SERTM1: variants seen among roughly 807,000 people sequenced by gnomAD.
The protein encoded by SERTM1 is serine rich and transmembrane domain containing 1.
SERTM1 carries 1 observed loss-of-function variant against 5.5 expected under a neutral mutation model. The ratio of observed to expected loss-of-function variants is 0.18; its 90% CI spans 0.06 to 0.86. The LOEUF is 0.86. Among genes scored for constraint, SERTM1 ranks in the 40% least tolerant of loss-of-function variants. The probability of loss-of-function intolerance (pLI) is 0.69; values close to 1 mark genes in which losing one functional copy is unlikely to be tolerated. For missense variants in SERTM1, 91 were observed against 122.4 expected (o/e 0.74, Z 1.21); for synonymous variants, 52 against 55.1 (o/e 0.94, Z 0.25).
At chr13:36,693,733 T>G (rs548444542) in intron 1 of SERTM1, among the ~76,000 whole-genome samples, 7 of 152,124 alleles carry the variant, frequency 4.6e-5, no homozygotes, top group African/African-American at 1.7e-4. Flanking sequence ...AAGGGCAGAG[T>G]TTAGGAAGAG....
At chr13:36,690,740 T>C (rs963232292) in intron 1 of SERTM1, among the ~76,000 whole-genome samples, 11 of 152,238 alleles carry the variant, frequency 7.2e-5, no homozygotes, top group African/African-American at 2.7e-4. Flanking sequence ...TAATACATCA[T>C]CTAAAACCAT....
chr13:36,679,696 C>A (rs573247304), intron 1 of SERTM1, among the ~76,000 whole-genome samples: 1 of 152,120 alleles, frequency 6.6e-6, no homozygotes, highest in East Asian at 1.9e-4. Flanking sequence ...TGTGACCCAC[C>A]GCACCTGACC....
Position 36,694,941 on chromosome 13 carries a change from A to C in SERTM1, c.-138A>C. The C allele has an allele frequency of 1.5e-6, 1 of 647,152 alleles. No individual in the cohort carries two copies. The highest frequency in any genetic ancestry group is 2.7e-6 in the Non-Finnish European group (1 of 372,384). The allele number at this position is 647,152 out of a possible 1,614,324, so 40.1% of individuals were successfully genotyped here. On this transcript the variant is annotated 5_prime_UTR_variant, in exon 2 of 2. Coordinates refer to ENST00000315190, the MANE Select transcript of SERTM1 (RefSeq NM_203451.3). Reference sequence around the variant, plus strand: ...CATCTGATACCTGCTGCCTTTGAGAAACAAGTTTTGTTGTGCTGATTTAAC... The same window carrying C: ...CATCTGATACCTGCTGCCTTTGAGACACAAGTTTTGTTGTGCTGATTTAAC...
At chr13:36,691,948 A>G (rs2138098117) in intron 1 of SERTM1, among the ~76,000 whole-genome samples, 1 of 152,346 alleles carries the variant, frequency 6.6e-6, no homozygotes, top group South Asian at 2.1e-4. Flanking sequence ...TCCAGTTTTT[A>G]AAACTTCAAT....
chr13:36,685,341 T>C (rs2056733636), intron 1 of SERTM1, among the ~76,000 whole-genome samples: 1 of 152,222 alleles, frequency 6.6e-6, no homozygotes, highest in Non-Finnish European at 1.5e-5. Flanking sequence ...GTCCTCTTTC[T>C]GTTTTCTCCC....
chr13:36,682,988 T>C (rs2056715510), intron 1 of SERTM1, among the ~76,000 whole-genome samples: 1 of 152,190 alleles, frequency 6.6e-6, no homozygotes, highest in Admixed American at 6.5e-5. Context: ...CTCTGCCTCC[T>C]GGGTTCAAAT....
intron 1 of SERTM1, among the ~76,000 whole-genome samples, chr13:36,687,953 G>T (rs1349702765): frequency 6.6e-6 from 1 of 151,012 alleles, no homozygotes; most frequent in Non-Finnish European, 1.5e-5. Flanking sequence ...ACATGCAAAG[G>T]ATTAAAAACA....
intron 1 of SERTM1, among the ~76,000 whole-genome samples, chr13:36,688,234 G>C (rs1323373596): frequency 6.7e-6 from 1 of 149,238 alleles, no homozygotes; most frequent in African/African-American, 2.5e-5. Flanking sequence ...TTTTTTTTTA[G>C]ACAGGGTCTC....
chr13:36,682,780 A>G (rs1307407245), intron 1 of SERTM1, among the ~76,000 whole-genome samples: 6 of 152,250 alleles, frequency 3.9e-5, no homozygotes, highest in African/African-American at 7.2e-5. Flanking sequence ...TTATAGATGC[A>G]TTAGACTCAT....
rs184928811 is a variant in SERTM1 at position 36,674,138 on chromosome 13, G to A, written c.-220G>A. The A allele has an allele frequency of 6.6e-6, 1 of 152,386 alleles. No homozygotes were observed. The highest frequency in any genetic ancestry group is 2.4e-5 in the African/African-American group (1 of 41,578). 9.4% of individuals were successfully genotyped at this position (152,386 alleles called of 1,614,324 possible). ...GTCCAGACCGGAGCACCGCCCCACC[G>A]CTAGCGCAGGAGACCTGCCGGGGAA... On this transcript the variant is annotated 5_prime_UTR_variant, in exon 1 of 2. Transcript: ENST00000315190.
chr13:36,675,303 G>T (rs554423758), intron 1 of SERTM1, among the ~76,000 whole-genome samples: 1 of 152,322 alleles, frequency 6.6e-6, no homozygotes, highest in South Asian at 2.1e-4. Context: ...TGCACTACAG[G>T]TGCAAAGGGC....
chr13:36,676,211 C>A (rs1392812369), intron 1 of SERTM1, among the ~76,000 whole-genome samples: 1 of 151,808 alleles, frequency 6.6e-6, no homozygotes, highest in Non-Finnish European at 1.5e-5. Flanking sequence ...AATGACAGAG[C>A]TGATTTGTAA....
chr13:36,693,112 T>A (rs1379501584), intron 1 of SERTM1, among the ~76,000 whole-genome samples: 1 of 152,236 alleles, frequency 6.6e-6, no homozygotes, highest in African/African-American at 2.4e-5. Context: ...AAGCCCTTGC[T>A]TGTCTTCTAA....
chr13:36,678,205 T>C (rs1402164435), intron 1 of SERTM1, among the ~76,000 whole-genome samples: 2 of 152,210 alleles, frequency 1.3e-5, no homozygotes, highest in African/African-American at 4.8e-5. Context: ...TTTGTCAAAA[T>C]ATAGATACAG....
intron 1 of SERTM1, 22 bp from the exon 2 acceptor site, chr13:36,694,884 C>A (rs933715824): frequency 3.6e-6 from 2 of 554,196 alleles, no homozygotes; most frequent in Non-Finnish European, 6.3e-6. Flanking sequence ...GAAGAATGCA[C>A]TGACTTGCTT....
chr13:36,680,394 T>G (rs948043773), intron 1 of SERTM1, among the ~76,000 whole-genome samples: 6 of 152,208 alleles, frequency 3.9e-5, no homozygotes, highest in African/African-American at 1.4e-4. Context: ...TTGATTCATA[T>G]GATGAAAAGC....
In SERTM1 at chr13:36,674,123, G is replaced by C. The variant is rs1001296678; in HGVS notation, c.-235G>C. On this transcript the variant is annotated 5_prime_UTR_variant, in exon 1 of 2. Coordinates refer to ENST00000315190, the MANE Select transcript of SERTM1 (RefSeq NM_203451.3). Reference sequence around the variant, plus strand: ...TCGCGGGCGCGTATCGTCCAGACCGGAGCACCGCCCCACCGCTAGCGCAGG... The same window carrying C: ...TCGCGGGCGCGTATCGTCCAGACCGCAGCACCGCCCCACCGCTAGCGCAGG... 1 of 152,286 alleles carries C rather than the reference G, an allele frequency of 6.6e-6. No homozygotes were observed. The highest frequency in any genetic ancestry group is 6.5e-5 in the Admixed American group (1 of 15,288). The allele number at this position is 152,286 out of a possible 1,614,324, so 9.4% of individuals were successfully genotyped here.
intron 1 of SERTM1, among the ~76,000 whole-genome samples, chr13:36,685,177 A>G (rs528562364): frequency 6.6e-6 from 1 of 152,332 alleles, no homozygotes; most frequent in Non-Finnish European, 1.5e-5. Context: ...GAACATGTAG[A>G]CATTTTCTTT....
At position 36,697,275 on chromosome 13, in the gene SERTM1, A is replaced by G. The variant is rs889864172; in HGVS notation, c.*1873A>G. 1 of 144,022 alleles carries G rather than the reference A, an allele frequency of 6.9e-6. No individual in the cohort carries two copies. Among genetic ancestry groups the G allele is most frequent in the Non-Finnish European group, 1.6e-5 (1 of 62,614 alleles). 8.9% of individuals were successfully genotyped at this position (144,022 alleles called of 1,614,324 possible). A position where few individuals can be genotyped will look rare whatever the true frequency, so the allele number is the denominator to read the frequency against. ...ATTAGCATTCTCTGAATATATGTATATATACATATATATACGCACACACAC... is the reference window on the plus strand; with the variant it reads ...ATTAGCATTCTCTGAATATATGTATGTATACATATATATACGCACACACAC... On this transcript the variant is annotated 3_prime_UTR_variant, in exon 2 of 2. Transcript: ENST00000315190.
Sources: allele counts gnomAD v4.1 joint callset (sites outside exome capture counted in the v4.1 genomes callset), GRCh38; gene constraint gnomAD v4.1.1; transcripts MANE v1.5; gene names NCBI Gene and HGNC (gene_info 2026-07-23, HGNC 2026-07-21).